The following RC3H1 variants were observed in gnomAD, a reference collection of about 807,000 sequenced individuals.
RC3H1 encodes the protein roquin-1.
RC3H1 carries 50 observed loss-of-function variants against 138.2 expected under a neutral mutation model. The ratio of observed to expected loss-of-function variants is 0.36; its 90% CI spans 0.29 to 0.46. The LOEUF is 0.46. RC3H1 is among the 20% of genes least tolerant of loss of function. The pLI, the probability that RC3H1 is intolerant of heterozygous loss-of-function variation, is 1.00. For missense variants in RC3H1, 1,031 were observed against 1,388.1 expected, an observed-to-expected ratio of 0.74 and a Z score of 4.09; for synonymous variants, 462 against 489.1, an observed-to-expected ratio of 0.94 and a Z score of 0.73.
chr1:173,988,755 G>A (rs1254464949), intron 2 of RC3H1, among the ~76,000 whole-genome samples: 1 of 152,178 alleles, frequency 6.6e-6, no homozygotes, highest in African/African-American at 2.4e-5. Context: ...TTTGTGTGTA[G>A]TGGTATCTCA....
chr1:174,015,223 C>A (rs1571244553), intron 1 of RC3H1, among the ~76,000 whole-genome samples: 1 of 148,228 alleles, frequency 6.7e-6, no homozygotes, highest in Non-Finnish European at 1.5e-5. Flanking sequence ...TGATTTAGTT[C>A]ATTAATTTTT....
At chr1:173,940,946 C>T (rs146832357) in intron 19 of RC3H1, among the ~76,000 whole-genome samples, 2,023 of 152,060 alleles carry the variant, frequency 0.013, 12 homozygotes, top group Non-Finnish European at 0.02. Flanking sequence ...CTCAGCCTCC[C>T]GAGTAGCTGG....
At chr1:173,980,781 A>T in intron 6 of RC3H1, 28 bp downstream of exon 6, 1 of 1,566,020 alleles carries the variant, frequency 6.4e-7, no homozygotes, top group African/African-American at 1.4e-5. Flanking sequence ...AGATTAGTCT[A>T]AGAAGTAAGG....
Position 173,972,543 on chromosome 1 carries a change from T to C in RC3H1, c.1187A>G (p.Gln396Arg), listed in dbSNP as rs768025517. The C allele has an allele frequency of 3.7e-6, 6 of 1,614,094 alleles. No individual in the cohort carries two copies. The South Asian group carries it at 6.6e-5, about 18-fold the overall frequency. ...TVVHGLVDYI[Q>R]NHSKKGADQQ... ...ATCTGCTCCTTTTTTGCTGTGGTTC[T>C]GGATATAATCAACCAGCCCATGTAC... Residue 396 changes from glutamine to arginine, a missense_variant, in exon 8 of 20, where the codon CAG becomes CGG. By Grantham distance (43) the Gln-to-Arg change is conservative. Transcript: ENST00000367696.
At chr1:173,951,899 G>T in intron 14 of RC3H1, 87 bp downstream of exon 14, 1 of 1,290,042 alleles carries the variant, frequency 7.8e-7, no homozygotes, top group East Asian at 2.5e-5. Flanking sequence ...AAGCAAAGCT[G>T]AATTATTTGT....
At chr1:173,977,055 T>C (rs1263593718) in intron 7 of RC3H1, among the ~76,000 whole-genome samples, 1 of 151,990 alleles carries the variant, frequency 6.6e-6, no homozygotes, top group Non-Finnish European at 1.5e-5. Flanking sequence ...CCCGAGTAGC[T>C]GGGACTACAG....
intron 14 of RC3H1, among the ~76,000 whole-genome samples, chr1:173,949,868 C>T (rs1202007115): frequency 6.6e-6 from 1 of 152,018 alleles, no homozygotes; most frequent in Non-Finnish European, 1.5e-5. Flanking sequence ...TAATCCTGAG[C>T]TACAGATATA....
chr1:173,948,545 G>C (rs1028021370), intron 14 of RC3H1, among the ~76,000 whole-genome samples: 1 of 151,998 alleles, frequency 6.6e-6, no homozygotes, highest in African/African-American at 2.4e-5. Context: ...AGAAATACTA[G>C]GTTAGACTTC....
chr1:174,003,953 G>A (rs1012702737), intron 1 of RC3H1, among the ~76,000 whole-genome samples: 2 of 151,164 alleles, frequency 1.3e-5, no homozygotes, highest in Admixed American at 6.6e-5. Context: ...AAGCCACTGC[G>A]CCCGGCAATT....
rs966364062 is a variant in RC3H1, at chr1:173,936,616, CAA to C, written c.*2103_*2104del. On this transcript the variant is annotated 3_prime_UTR_variant, in exon 20 of 20. Coordinates refer to ENST00000367696, the MANE Select transcript of RC3H1 (RefSeq NM_172071.4). ...AAATCTTGGGACTCTGTCAGACATA[CAA>C]AAGTTTCTTTCCTTCTCCCAATAAA... is the stretch of plus-strand genomic sequence containing the variant. 7.2e-6 allele frequency: 1 copy of C among 139,512 alleles called. No homozygotes were observed. Among genetic ancestry groups the C allele is most frequent in the African/African-American group, 2.7e-5 (1 of 37,376 alleles). 8.6% of individuals were successfully genotyped at this position (139,512 alleles called of 1,614,324 possible).
intron 15 of RC3H1, among the ~76,000 whole-genome samples, chr1:173,947,129 G>T (rs1659170766): frequency 2.0e-5 from 3 of 152,112 alleles, no homozygotes; most frequent in Admixed American, 6.6e-5. Context: ...GCTATTTGGG[G>T]TGGGGGTGGA....
intron 13 of RC3H1, among the ~76,000 whole-genome samples, chr1:173,957,819 C>G (rs1430358753): frequency 1.3e-5 from 2 of 152,164 alleles, no homozygotes; most frequent in Admixed American, 1.3e-4. Flanking sequence ...ACCTCAGCCT[C>G]CCAAAGTGTG....
Position 173,933,977 on chromosome 1 carries a change from T to TTAA in RC3H1, c.*4741_*4743dup, listed in dbSNP as rs1658483080. The stretch of plus-strand genomic sequence containing the variant: ...GAAAAAATCTAAGTAAACACTGCAG[T>TTAA]TAATTTCCAGGTAGGTTATTAATCT... On this transcript the variant is annotated 3_prime_UTR_variant, in exon 20 of 20. Transcript: ENST00000367696. 6.6e-6 allele frequency: 1 copy of TTAA among 152,180 alleles called. No homozygotes were observed. The highest frequency in any genetic ancestry group is 1.5e-5 in the Non-Finnish European group (1 of 68,012). The allele number at this position is 152,180 out of a possible 1,614,324, so 9.4% of individuals were successfully genotyped here. A position where few individuals can be genotyped will look rare whatever the true frequency, so the allele number is the denominator to read the frequency against.
At chr1:173,953,938 T>C (rs542811362) in intron 13 of RC3H1, among the ~76,000 whole-genome samples, 7 of 151,738 alleles carry the variant, frequency 4.6e-5, no homozygotes, top group African/African-American at 1.7e-4. Context: ...ACTCGAGAGG[T>C]TGAGGCAGGA....
At chr1:174,007,172 G>A (rs4536054) in intron 1 of RC3H1, among the ~76,000 whole-genome samples, 43,911 of 151,918 alleles carry the variant, frequency 0.29, 11,355 homozygotes, top group African/African-American at 0.7. Context: ...GGCAGATCAC[G>A]AGGTCAGGAA....
At chr1:173,971,974 T>A (rs1660377460) in intron 8 of RC3H1, among the ~76,000 whole-genome samples, 1 of 152,146 alleles carries the variant, frequency 6.6e-6, no homozygotes, top group African/African-American at 2.4e-5. Context: ...ACTCTAGCTA[T>A]AAGAAGTTAT....
intron 9 of RC3H1, among the ~76,000 whole-genome samples, chr1:173,966,224 T>TA: frequency 6.6e-6 from 1 of 152,288 alleles, no homozygotes; most frequent in Middle Eastern, 3.4e-3. Flanking sequence ...AATACAAAAT[T>TA]AAAGTTATTT....
chr1:173,959,696 AGGAGGC>A (rs1659786457), intron 13 of RC3H1, among the ~76,000 whole-genome samples: 1 of 152,062 alleles, frequency 6.6e-6, no homozygotes, highest in Non-Finnish European at 1.5e-5. Context: ...ACTTGAACCC[AGGAGGC>A]GGTGGTTGCA....
rs1658432951 is a variant in RC3H1 at position 173,932,740 on chromosome 1, A to G, written c.*5981T>C. 1.3e-5 allele frequency: 2 copies of G among 152,146 alleles called. No individual in the cohort carries two copies. The highest frequency in any genetic ancestry group is 2.4e-5 in the African/African-American group (1 of 41,444). 9.4% of individuals were successfully genotyped at this position (152,146 alleles called of 1,614,324 possible). ...TATTTTATGGGGTAGTTCAGATATT[A>G]TAAGAATGACAGCCAATCAATGGAG... On this transcript the variant is annotated 3_prime_UTR_variant, in exon 20 of 20. Transcript: ENST00000367696.
Sources: allele counts gnomAD v4.1 joint callset (sites outside exome capture counted in the v4.1 genomes callset), GRCh38; gene constraint gnomAD v4.1.1; transcripts MANE v1.5; gene names NCBI Gene and HGNC (gene_info 2026-07-23, HGNC 2026-07-21).